The following CFDP1 variants were observed in gnomAD, a reference collection of about 807,000 sequenced individuals.
The protein encoded by CFDP1 is heterochromatin-stabilizing protein CFDP1.
In CFDP1, 31 loss-of-function variants were observed where a neutral mutation model predicts 40.1. The observed-to-expected ratio is 0.77, with a 90% CI of 0.58 to 1.04. CFDP1 has a LOEUF of 1.04. CFDP1 is among the 50% of genes least tolerant of loss of function. The probability of loss-of-function intolerance (pLI) is 0.00; values close to 1 mark genes in which losing one functional copy is unlikely to be tolerated. For synonymous variants in CFDP1, 167 were observed against 120.0 expected (o/e 1.39, Z -2.56); for missense variants, 423 against 343.4 (o/e 1.23, Z -1.83).
intron 1 of CFDP1, among the ~76,000 whole-genome samples, chr16:75,427,568 TAAAACA>T (rs1236072985): frequency 2.0e-5 from 3 of 152,072 alleles, no homozygotes; most frequent in African/African-American, 4.8e-5. Flanking sequence ...AGCTAATATT[TAAAACA>T]AAAACAAAAA....
chr16:75,411,929 T>G lies in CFDP1; in HGVS notation c.426A>C (p.Thr142=). The change falls in exon 4 of 7, where the codon ACA becomes ACC. Residue 142 remains threonine (T), a synonymous_variant. Transcript: ENST00000283882. ...QVKKGEETEE[T]SSSKLLVKAE... ...CTTTTACCAACAATTTACTTGAACT[T>G]GTCTCTTCAGTCTCCTCTCCTTTCT... 2 of 1,610,312 alleles carry G rather than the reference T, an allele frequency of 1.2e-6. No individual in the cohort carries two copies. Among genetic ancestry groups the G allele is most frequent in the Non-Finnish European group, 1.7e-6 (2 of 1,179,242 alleles).
chr16:75,411,659 T>A (rs1269241746), intron 4 of CFDP1, among the ~76,000 whole-genome samples, 166 bp downstream of exon 4: 1 of 152,186 alleles, frequency 6.6e-6, no homozygotes, highest in Non-Finnish European at 1.5e-5. Flanking sequence ...GAAAGGACCT[T>A]TCTCATACTC....
At chr16:75,406,717 A>G (rs2079102957) in intron 4 of CFDP1, 1 of 151,676 alleles carries the variant, frequency 6.6e-6, no homozygotes, top group South Asian at 2.1e-4. Context: ...ATAAAAATAA[A>G]TAAAATAAAT....
intron 5 of CFDP1, among the ~76,000 whole-genome samples, chr16:75,368,002 G>A (rs765398839): frequency 1.3e-5 from 2 of 152,064 alleles, no homozygotes; most frequent in African/African-American, 2.4e-5. Context: ...CTACTCAAGG[G>A]CTGAGGCAGA....
chr16:75,339,738 A>G (rs1174125466), intron 5 of CFDP1, among the ~76,000 whole-genome samples: 1 of 152,110 alleles, frequency 6.6e-6, no homozygotes, highest in Non-Finnish European at 1.5e-5. Flanking sequence ...TATATCTAAC[A>G]TATTAGGGAT....
At chr16:75,376,830 C>T (rs1013035510) in intron 5 of CFDP1, among the ~76,000 whole-genome samples, 4 of 152,190 alleles carry the variant, frequency 2.6e-5, no homozygotes, top group Admixed American at 1.3e-4. Flanking sequence ...TGAGAGTTAC[C>T]GCCCCTTCCC....
intron 5 of CFDP1, among the ~76,000 whole-genome samples, chr16:75,312,687 G>T (rs962716247): frequency 6.6e-6 from 1 of 152,168 alleles, no homozygotes; most frequent in Non-Finnish European, 1.5e-5. Context: ...TTTCTTCCAT[G>T]TGTTGTTGAG....
At chr16:75,379,584 A>G (rs1041558305) in intron 5 of CFDP1, among the ~76,000 whole-genome samples, 1 of 152,232 alleles carries the variant, frequency 6.6e-6, no homozygotes, top group Non-Finnish European at 1.5e-5. Flanking sequence ...TAGATTAGTG[A>G]TTACCAGAGG....
At chr16:75,411,576 T>A (rs1226888187) in intron 4 of CFDP1, among the ~76,000 whole-genome samples, 2 of 152,132 alleles carry the variant, frequency 1.3e-5, no homozygotes, top group Non-Finnish European at 2.9e-5. Flanking sequence ...TGGAACAAAA[T>A]ACTTAACTCA....
At chr16:75,403,667 C>T (rs2079074202) in intron 4 of CFDP1, among the ~76,000 whole-genome samples, 1 of 152,134 alleles carries the variant, frequency 6.6e-6, no homozygotes, top group Non-Finnish European at 1.5e-5. Context: ...ACTTTTAAAC[C>T]TATATTCCTA....
Position 75,412,719 on chromosome 16 carries a change from T to A in CFDP1, c.218A>T (p.Glu73Val). The A allele has an allele frequency of 1.2e-6, 2 of 1,613,846 alleles. No individual in the cohort carries two copies. The highest frequency in any genetic ancestry group is 1.7e-6 in the Non-Finnish European group (2 of 1,179,982). Residue 73 changes from glutamate to valine, a missense_variant, in exon 3 of 7, where the codon GAG becomes GTG. Coordinates refer to ENST00000283882, the MANE Select transcript of CFDP1 (RefSeq NM_006324.3). ...RRQGGLSLEE[E>V]EEEDANSESE... ...TTCTGAATTGGCATCCTCCTCTTCC[T>A]CTTCTTCTAATGAGAGGCCACCTTG...
chr16:75,334,882 G>A (rs1022321758), intron 5 of CFDP1, among the ~76,000 whole-genome samples: 3 of 151,994 alleles, frequency 2.0e-5, no homozygotes, highest in African/African-American at 7.3e-5. Flanking sequence ...TTGAACCCCG[G>A]AGGTGGAGGT....
chr16:75,424,932 T>G (rs1213436343), intron 1 of CFDP1, among the ~76,000 whole-genome samples: 1 of 152,186 alleles, frequency 6.6e-6, no homozygotes, highest in Non-Finnish European at 1.5e-5. Context: ...TCACTGTCTG[T>G]GTGGAAAATC....
chr16:75,423,512 G>A (rs1055659827), intron 1 of CFDP1, among the ~76,000 whole-genome samples: 1 of 151,588 alleles, frequency 6.6e-6, no homozygotes, highest in Non-Finnish European at 1.5e-5. Context: ...CGTTGGCGAG[G>A]TTGGTTTTTT....
chr16:75,412,874 G>A (rs1398734269), intron 2 of CFDP1, 120 bp from the exon 3 acceptor site: 7 of 662,922 alleles, frequency 1.1e-5, no homozygotes, highest in South Asian at 1.8e-5. Context: ...GGGACTACTG[G>A]TTAATATACT....
Position 75,433,427 on chromosome 16 carries a change from A to C in CFDP1, c.-75T>G. On this transcript the variant is annotated 5_prime_UTR_variant, in exon 1 of 7. Coordinates refer to ENST00000283882, the MANE Select transcript of CFDP1 (RefSeq NM_006324.3). Reference sequence around the variant, plus strand: ...TCCAACGGCAAAGCTCTAGGGAGAGACCATAGAGCCCCGGCGGCGGCGACG... The same window carrying C: ...TCCAACGGCAAAGCTCTAGGGAGAGCCCATAGAGCCCCGGCGGCGGCGACG... The C allele has an allele frequency of 7.0e-7, 1 of 1,433,258 alleles. No individual in the cohort carries two copies. Among genetic ancestry groups the C allele is most frequent in the Non-Finnish European group, 9.5e-7 (1 of 1,049,140 alleles). 88.8% of individuals were successfully genotyped at this position (1,433,258 alleles called of 1,614,324 possible).
At chr16:75,338,632 T>C (rs2151519172) in intron 5 of CFDP1, among the ~76,000 whole-genome samples, 1 of 152,338 alleles carries the variant, frequency 6.6e-6, no homozygotes, top group East Asian at 1.9e-4. Flanking sequence ...ACTGACCTAA[T>C]GCATTTTCTG....
intron 4 of CFDP1, among the ~76,000 whole-genome samples, chr16:75,408,686 GA>G (rs1418230364): frequency 2.6e-5 from 4 of 151,836 alleles, no homozygotes; most frequent in Admixed American, 2.6e-4. Flanking sequence ...TGAGGCAGGA[GA>G]ATCACTTGAA....
chr16:75,308,693 C>G (rs1384511413), intron 5 of CFDP1, among the ~76,000 whole-genome samples: 2 of 152,324 alleles, frequency 1.3e-5, no homozygotes, highest in Middle Eastern at 6.8e-3. Flanking sequence ...CTCCCATCAG[C>G]TCTCAACAGC....
Sources: allele counts gnomAD v4.1 joint callset (sites outside exome capture counted in the v4.1 genomes callset), GRCh38; gene constraint gnomAD v4.1.1; transcripts MANE v1.5; gene names NCBI Gene and HGNC (gene_info 2026-07-23, HGNC 2026-07-21).